The following ZBED3 variants were observed in gnomAD, a reference collection of about 807,000 sequenced individuals.
ZBED3 encodes zinc finger BED-type containing 3.
For synonymous variants in ZBED3, 175 were observed against 180.0 expected (o/e 0.97, Z 0.22); for missense variants, 388 against 362.9 (o/e 1.07, Z -0.56).
In ZBED3 at chr5:77,077,735, G is replaced by C; in HGVS notation, c.144C>G (p.Ala48=). ...PGRLGAPYSE[A]WGYFHLAPGR... The stretch of plus-strand genomic sequence containing the variant: ...CCGGCGCCAGGTGGAAGTAGCCCCA[G>C]GCCTCGGAGTATGGCGCCCCCAGGC... Residue 48 remains alanine, a synonymous_variant, in exon 3 of 3, where the codon GCC becomes GCG. Transcript: ENST00000255198. 1 of 1,350,210 alleles carries C rather than the reference G, an allele frequency of 7.4e-7. No individual in the cohort carries two copies. Among genetic ancestry groups the C allele is most frequent in the South Asian group, 1.8e-5 (1 of 55,598 alleles). 83.6% of individuals were successfully genotyped at this position (1,350,210 alleles called of 1,614,324 possible).
At chr5:77,082,449 A>G (rs570036645) in intron 1 of ZBED3, among the ~76,000 whole-genome samples, 1 of 152,296 alleles carries the variant, frequency 6.6e-6, no homozygotes, top group East Asian at 1.9e-4. Context: ...CACCAGGAAA[A>G]TGGCTGAGTA....
intron 2 of ZBED3, 52 bp from the exon 3 acceptor site, chr5:77,077,947 C>T: frequency 8.4e-7 from 1 of 1,184,384 alleles, no homozygotes; most frequent in Non-Finnish European, 1.1e-6. Flanking sequence ...GCACACAGCT[C>T]CTAGACTACA....
chr5:77,077,639 C>T lies in ZBED3; in HGVS notation c.240G>A (p.Pro80=), dbSNP rs1045514645. 2.1e-6 allele frequency: 3 copies of T among 1,409,694 alleles called. No homozygotes were observed. Among genetic ancestry groups the T allele is most frequent in the African/African-American group, 1.5e-5 (1 of 66,982 alleles). The allele number at this position is 1,409,694 out of a possible 1,614,324, so 87.3% of individuals were successfully genotyped here. Residue 80 remains proline (P), a synonymous_variant, in exon 3 of 3, where the codon CCG becomes CCA. Coordinates refer to ENST00000255198, the MANE Select transcript of ZBED3 (RefSeq NM_032367.4). ...ACGCCGAGGTCCCCGCGTGGAAGCC[C>T]GGGCCGCGGCCCACCTGCTCCCCGC... ...RLCGEQVGRG[P]GFHAGTSALW...
Position 77,077,898 on chromosome 5 carries a change from G to T in ZBED3, c.-17-3C>A. On this transcript the variant is annotated splice_polypyrimidine_tract_variant and splice_region_variant and intron_variant, in intron 2 of 2. Coordinates refer to ENST00000255198, the MANE Select transcript of ZBED3 (RefSeq NM_032367.4). ...CCTCATTCTGCGGCGCCCGCACGCT[G>T]GGGAGCAGGGGAAGAATAATAATGA... 1 of 1,249,420 alleles carries T rather than the reference G, an allele frequency of 8.0e-7. No individual in the cohort carries two copies. The highest frequency in any genetic ancestry group is 3.4e-5 in the South Asian group (1 of 29,630). The allele number at this position is 1,249,420 out of a possible 1,614,324, so 77.4% of individuals were successfully genotyped here.
rs1057394509 is a variant in ZBED3, at chr5:77,077,951, G to C, written c.-17-56C>G. The C allele has an allele frequency of 3.1e-5, 36 of 1,173,976 alleles. No homozygotes were observed. In the African/African-American group the frequency reaches 4.0e-4, roughly 13 times the overall value. 72.7% of individuals were successfully genotyped at this position (1,173,976 alleles called of 1,614,324 possible). A position where few individuals can be genotyped will look rare whatever the true frequency, so the allele number is the denominator to read the frequency against. ...GTTAGGATCACGCACACAGCTCCTA[G>C]ACTACAGTTAGCCTAAGAAACCATG... On this transcript the variant is annotated intron_variant, in intron 2 of 2. Transcript: ENST00000255198.
Position 77,087,110 on chromosome 5 carries a change from C to G in ZBED3, c.-153+1G>C, listed in dbSNP as rs1040933018. 6.6e-6 allele frequency: 1 copy of G among 152,368 alleles called. No individual in the cohort carries two copies. The highest frequency in any genetic ancestry group is 1.5e-5 in the Non-Finnish European group (1 of 68,160). The allele number at this position is 152,368 out of a possible 1,614,324, so 9.4% of individuals were successfully genotyped here. A position where few individuals can be genotyped will look rare whatever the true frequency, so the allele number is the denominator to read the frequency against. Reference sequence around the variant, plus strand: ...CACCGAGTCTGGAAGCCCACACTCACCCCTTTACCCGGGAAACGCGGCCGG... The same window carrying G: ...CACCGAGTCTGGAAGCCCACACTCAGCCCTTTACCCGGGAAACGCGGCCGG... On this transcript the variant is annotated splice_donor_variant, in intron 1 of 2. Coordinates refer to ENST00000255198, the MANE Select transcript of ZBED3 (RefSeq NM_032367.4). LOFTEE classifies it low-confidence loss of function (5UTR_SPLICE).
chr5:77,077,623 T>TCCCCGCGTGGAAGCCCGGGCCGCGGC lies in ZBED3; in HGVS notation c.230_255dup (p.Thr86AlafsTer17). The TCCCCGCGTGGAAGCCCGGGCCGCGGC allele has an allele frequency of 2.1e-6, 3 of 1,410,396 alleles. No homozygotes were observed. The highest frequency in any genetic ancestry group is 2.8e-6 in the Non-Finnish European group (3 of 1,081,756). 87.4% of individuals were successfully genotyped at this position (1,410,396 alleles called of 1,614,324 possible). ...CTCAGGTGCCTCCACAACGCCGAGG[T>TCCCCGCGTGGAAGCCCGGGCCGCGGC]CCCCGCGTGGAAGCCCGGGCCGCGG... On this transcript the variant is annotated frameshift_variant, in exon 3 of 3. Coordinates refer to ENST00000255198, the MANE Select transcript of ZBED3 (RefSeq NM_032367.4). LOFTEE classifies it low-confidence loss of function (END_TRUNC).
In ZBED3 at chr5:77,076,776, A is replaced by G. The variant is rs73129934; in HGVS notation, c.*398T>C. Reference sequence around the variant, plus strand: ...GCTGGGTGTATAGGCACATGGTGTGATAAGTCTTTGGTATGGAATGAAGCT... The same window carrying G: ...GCTGGGTGTATAGGCACATGGTGTGGTAAGTCTTTGGTATGGAATGAAGCT... On this transcript the variant is annotated 3_prime_UTR_variant, in exon 3 of 3. Coordinates refer to ENST00000255198, the MANE Select transcript of ZBED3 (RefSeq NM_032367.4). The G allele has an allele frequency of 0.031, 4,899 of 158,646 alleles. 238 individuals are homozygous for G. The highest frequency in any genetic ancestry group is 0.11 in the African/African-American group (4,573 of 40,956). 9.8% of individuals were successfully genotyped at this position (158,646 alleles called of 1,614,324 possible). A position where few individuals can be genotyped will look rare whatever the true frequency, so the allele number is the denominator to read the frequency against.
chr5:77,080,042 A>C (rs1379417924), intron 1 of ZBED3, among the ~76,000 whole-genome samples: 1 of 152,218 alleles, frequency 6.6e-6, no homozygotes, highest in Non-Finnish European at 1.5e-5. Context: ...AGAGACTATT[A>C]TAATGAATCT....
In ZBED3 at chr5:77,077,894, C is replaced by T. The variant is rs1398783042; in HGVS notation, c.-16G>A. ...CACTCCTCATTCTGCGGCGCCCGCA[C>T]GCTGGGGAGCAGGGGAAGAATAATA... On this transcript the variant is annotated splice_region_variant and 5_prime_UTR_variant, in exon 3 of 3. In the 5' UTR this introduces an upstream ATG that the reference lacks. Transcript: ENST00000255198. The T allele has an allele frequency of 1.6e-6, 2 of 1,250,068 alleles. No individual in the cohort carries two copies. Among genetic ancestry groups the T allele is most frequent in the African/African-American group, 1.6e-5 (1 of 64,382 alleles). The allele number at this position is 1,250,068 out of a possible 1,614,324, so 77.4% of individuals were successfully genotyped here. A position where few individuals can be genotyped will look rare whatever the true frequency, so the allele number is the denominator to read the frequency against.
Position 77,077,454 on chromosome 5 carries a change from C to T in ZBED3, c.425G>A (p.Arg142His). 8.3e-7 allele frequency: 1 copy of T among 1,210,014 alleles called. No individual in the cohort carries two copies. Among genetic ancestry groups the T allele is most frequent in the South Asian group, 3.1e-5 (1 of 32,472 alleles). 75.0% of individuals were successfully genotyped at this position (1,210,014 alleles called of 1,614,324 possible). A position where few individuals can be genotyped will look rare whatever the true frequency, so the allele number is the denominator to read the frequency against. The change falls in exon 3 of 3, where the codon CGC (arginine) becomes CAC (histidine). Residue 142 changes from arginine (R) to histidine (H), a missense_variant. By Grantham distance (29) the Arg-to-His change is conservative (BLOSUM62 0). Coordinates refer to ENST00000255198, the MANE Select transcript of ZBED3 (RefSeq NM_032367.4). ...CAGCTCCCGCTCCCGCCGGCTGCCG[C>T]GCACGGCCAGCGCGCCCATCTGTTC... ...LLEQMGALAV[R>H]GSRRERELER...
In ZBED3 at chr5:77,073,373, A is replaced by G. The variant is rs908932656; in HGVS notation, c.*3801T>C. On this transcript the variant is annotated 3_prime_UTR_variant, in exon 3 of 3. Coordinates refer to ENST00000255198, the MANE Select transcript of ZBED3 (RefSeq NM_032367.4). ...TCTAAAAAGGAAATTCAGATCATCT[A>G]GCCCAATTTATAAATCCATATGAAG... The G allele has an allele frequency of 6.6e-6, 1 of 152,186 alleles. No individual in the cohort carries two copies. The highest frequency in any genetic ancestry group is 2.4e-5 in the African/African-American group (1 of 41,458). The allele number at this position is 152,186 out of a possible 1,614,324, so 9.4% of individuals were successfully genotyped here.
At position 77,076,135 on chromosome 5, in the gene ZBED3, A is replaced by G. The variant is rs924522114; in HGVS notation, c.*1039T>C. 6 of 150,378 alleles carry G rather than the reference A, an allele frequency of 4.0e-5. No homozygotes were observed. Among genetic ancestry groups the G allele is most frequent in the African/African-American group, 1.5e-4 (6 of 40,808 alleles). The allele number at this position is 150,378 out of a possible 1,614,324, so 9.3% of individuals were successfully genotyped here. On this transcript the variant is annotated 3_prime_UTR_variant, in exon 3 of 3. Transcript: ENST00000255198. ...TAAAAACTGGGGAGGAAGGATAGGCAGCCAGGACTTGTTGGCCCTTCTGGG... is the reference window on the plus strand; with the variant it reads ...TAAAAACTGGGGAGGAAGGATAGGCGGCCAGGACTTGTTGGCCCTTCTGGG...
At chr5:77,084,406 C>T (rs1425071756) in intron 1 of ZBED3, among the ~76,000 whole-genome samples, 1 of 152,122 alleles carries the variant, frequency 6.6e-6, no homozygotes, top group Non-Finnish European at 1.5e-5. Flanking sequence ...AACGAGAAGC[C>T]CTTTTCGCTT....
chr5:77,072,099 A>C lies in ZBED3; in HGVS notation c.*5075T>G, dbSNP rs1388935985. The C allele has an allele frequency of 1.3e-5, 2 of 152,216 alleles. No homozygotes were observed. The highest frequency in any genetic ancestry group is 2.4e-5 in the African/African-American group (1 of 41,474). The allele number at this position is 152,216 out of a possible 1,614,324, so 9.4% of individuals were successfully genotyped here. ...TTTTTCCTTAAAGCCTCATTTTAAT[A>C]CTGTGAAACCAGATTTCAGAGAATG... On this transcript the variant is annotated 3_prime_UTR_variant, in exon 3 of 3. Coordinates refer to ENST00000255198, the MANE Select transcript of ZBED3 (RefSeq NM_032367.4).
chr5:77,077,776 G>C lies in ZBED3; in HGVS notation c.103C>G (p.Pro35Ala). ...QCPGLGPAPTPTPPGRLGAPY... is the reference protein window; with the variant it reads ...QCPGLGPAPTATPPGRLGAPY... ...GCCCCCAGGCGGCCGGGAGGCGTCG[G>C]CGTCGGCGCCGGCCCCAGTCCCGGA... Residue 35 changes from proline to alanine, a missense_variant, in exon 3 of 3, where the codon CCG becomes GCG. Physicochemically the swap from Pro to Ala is conservative, Grantham distance 27. Coordinates refer to ENST00000255198, the MANE Select transcript of ZBED3 (RefSeq NM_032367.4). The C allele has an allele frequency of 3.0e-6, 4 of 1,315,252 alleles. No homozygotes were observed. The highest frequency in any genetic ancestry group is 9.7e-7 in the Non-Finnish European group (1 of 1,036,164). The allele number at this position is 1,315,252 out of a possible 1,614,324, so 81.5% of individuals were successfully genotyped here. A position where few individuals can be genotyped will look rare whatever the true frequency, so the allele number is the denominator to read the frequency against.
chr5:77,075,254 C>T lies in ZBED3; in HGVS notation c.*1920G>A, dbSNP rs943325319. 6.6e-6 allele frequency: 1 copy of T among 152,206 alleles called. No individual in the cohort carries two copies. Among genetic ancestry groups the T allele is most frequent in the African/African-American group, 2.4e-5 (1 of 41,442 alleles). 9.4% of individuals were successfully genotyped at this position (152,206 alleles called of 1,614,324 possible). On this transcript the variant is annotated 3_prime_UTR_variant, in exon 3 of 3. Coordinates refer to ENST00000255198, the MANE Select transcript of ZBED3 (RefSeq NM_032367.4). ...GAATAGAGGACATTTGCTAAGACAGCTGGCCTGGATGCTTCAAAAAGTATC... is the reference window on the plus strand; with the variant it reads ...GAATAGAGGACATTTGCTAAGACAGTTGGCCTGGATGCTTCAAAAAGTATC...
chr5:77,079,016 A>G (rs1465564432), intron 1 of ZBED3: 1 of 152,260 alleles, frequency 6.6e-6, no homozygotes, highest in African/African-American at 2.4e-5. Context: ...AAAATCTGTT[A>G]AAAGGATCCA....
rs1210672624 is a variant in ZBED3, at chr5:77,076,103, G to T, written c.*1071C>A. 1 of 148,446 alleles carries T rather than the reference G, an allele frequency of 6.7e-6. No homozygotes were observed. Among genetic ancestry groups the T allele is most frequent in the African/African-American group, 2.5e-5 (1 of 40,168 alleles). The allele number at this position is 148,446 out of a possible 1,614,324, so 9.2% of individuals were successfully genotyped here. On this transcript the variant is annotated 3_prime_UTR_variant, in exon 3 of 3. Coordinates refer to ENST00000255198, the MANE Select transcript of ZBED3 (RefSeq NM_032367.4). Reference sequence around the variant, plus strand: ...AAAGAAAAGAAAACTGACCCAGAGTGAGGGAGTAAAAACTGGGGAGGAAGG... The same window carrying T: ...AAAGAAAAGAAAACTGACCCAGAGTTAGGGAGTAAAAACTGGGGAGGAAGG...
Sources: gnomAD v4.1 joint callset for allele counts (sites outside exome capture counted in the v4.1 genomes callset) on GRCh38, gnomAD v4.1.1 for gene constraint, MANE v1.5 for transcripts, NCBI Gene and HGNC (gene_info 2026-07-23, HGNC 2026-07-21) for gene names.